EHBP1: variants seen among roughly 807,000 people sequenced by gnomAD.
EHBP1 encodes the protein EH domain binding protein 1.
Under a neutral mutation model 144.0 loss-of-function variants are expected in EHBP1, and 55 were observed. The observed-to-expected ratio is 0.38, with a 90% CI of 0.31 to 0.48. EHBP1 has a LOEUF of 0.48. Among genes scored for constraint, EHBP1 ranks in the 20% least tolerant of loss-of-function variants. The probability of loss-of-function intolerance (pLI) is 0.98; values close to 1 mark genes in which losing one functional copy is unlikely to be tolerated. For missense variants in EHBP1, 1,200 were observed against 1,364.2 expected (o/e 0.88, Z 1.90); for synonymous variants, 469 against 472.7 (o/e 0.99, Z 0.10).
chr2:63,011,112 A>C (rs2060246650), intron 19 of EHBP1, among the ~76,000 whole-genome samples: 1 of 146,520 alleles, frequency 6.8e-6, no homozygotes, highest in Admixed American at 7.0e-5. Flanking sequence ...GTTTTGCATC[A>C]GTTGTTTTCT....
intron 10 of EHBP1, among the ~76,000 whole-genome samples, chr2:62,910,563 T>C (rs992053127): frequency 3.3e-5 from 5 of 152,038 alleles, no homozygotes; most frequent in Non-Finnish European, 7.4e-5. Flanking sequence ...AATCCTAACA[T>C]GTAATGGATG....
chr2:62,775,889 T>G (rs1049485129), intron 5 of EHBP1, among the ~76,000 whole-genome samples: 1 of 152,212 alleles, frequency 6.6e-6, no homozygotes, highest in African/African-American at 2.4e-5. Context: ...CCTTAACCCC[T>G]ACTGCAATAA....
At chr2:62,752,173 G>A (rs1374883532) in intron 3 of EHBP1, among the ~76,000 whole-genome samples, 1 of 152,116 alleles carries the variant, frequency 6.6e-6, no homozygotes, top group East Asian at 1.9e-4. Context: ...AGAGATTCTG[G>A]TATGTTATGT....
intron 10 of EHBP1, among the ~76,000 whole-genome samples, chr2:62,937,370 G>C (rs553243098): frequency 1.3e-5 from 2 of 152,200 alleles, no homozygotes; most frequent in Non-Finnish European, 1.5e-5. Context: ...TCTCAAACGA[G>C]TTGTGAGGAT....
intron 2 of EHBP1, among the ~76,000 whole-genome samples, chr2:62,717,790 G>A (rs2035833218): frequency 6.6e-6 from 1 of 151,974 alleles, no homozygotes; most frequent in Admixed American, 6.6e-5. Flanking sequence ...ATGTCTGAAA[G>A]AGTTTGTCAG....
At chr2:62,718,132 A>T (rs555496248) in intron 2 of EHBP1, among the ~76,000 whole-genome samples, 16 of 152,340 alleles carry the variant, frequency 1.1e-4, no homozygotes, top group South Asian at 2.1e-4. Flanking sequence ...ACTGTTAAAT[A>T]AGATAATGTT....
Position 62,931,243 on chromosome 2 carries a change from A to G in EHBP1, c.1186-11475A>G, listed in dbSNP as rs535665185. 2.7e-4 allele frequency among the ~76,000 whole-genome samples: 41 copies of G among 152,356 alleles called. No individual in the cohort carries two copies. The South Asian group carries it at 8.1e-3, about 30-fold the overall frequency. On this transcript the variant is annotated intron_variant, in intron 10 of 22. Coordinates refer to ENST00000431489, the MANE Select transcript of EHBP1 (RefSeq NM_001142616.3). ...GAATAGATATTTATCCAAAGAACAC[A>G]TACAGATAGCCAACTAGTATATGAA...
chr2:62,851,584 A>T (rs990579774), intron 7 of EHBP1, among the ~76,000 whole-genome samples: 2 of 152,182 alleles, frequency 1.3e-5, no homozygotes, highest in African/African-American at 2.4e-5. Flanking sequence ...GTCCCACTAA[A>T]ATATAAAGCC....
At chr2:62,821,742 C>T (rs904802925) in intron 5 of EHBP1, among the ~76,000 whole-genome samples, 1 of 152,168 alleles carries the variant, frequency 6.6e-6, no homozygotes, top group Non-Finnish European at 1.5e-5. Flanking sequence ...CATTGAACTA[C>T]ATTGCTTGCT....
chr2:62,864,312 T>G (rs1235467552), intron 8 of EHBP1, among the ~76,000 whole-genome samples: 1 of 152,190 alleles, frequency 6.6e-6, no homozygotes, highest in Non-Finnish European at 1.5e-5. Context: ...AACCAGCCCA[T>G]TTCATGTTCT....
chr2:62,791,172 G>GT, intron 5 of EHBP1, among the ~76,000 whole-genome samples: 1 of 152,030 alleles, frequency 6.6e-6, no homozygotes, highest in African/African-American at 2.4e-5. Flanking sequence ...CCAGACTGAG[G>GT]TTCTATATAC....
intron 5 of EHBP1, among the ~76,000 whole-genome samples, chr2:62,793,202 A>T (rs549738341): frequency 6.6e-6 from 1 of 152,206 alleles, no homozygotes; most frequent in East Asian, 1.9e-4. Context: ...AGGTCATATG[A>T]GTGCTTTTAG....
chr2:62,749,927 G>A (rs1017355640), intron 3 of EHBP1, among the ~76,000 whole-genome samples: 4 of 152,142 alleles, frequency 2.6e-5, no homozygotes, highest in Non-Finnish European at 4.4e-5. Flanking sequence ...CTTCCATTCT[G>A]TAGGTTGTCT....
chr2:62,756,110 C>CA (rs774426114), intron 3 of EHBP1, among the ~76,000 whole-genome samples: 323 of 100,066 alleles, frequency 3.2e-3, no homozygotes, highest in East Asian at 7.0e-3. Context: ...CCCCTCTCTA[C>CA]AAAAAAAAAA....
intron 2 of EHBP1, among the ~76,000 whole-genome samples, chr2:62,736,411 A>T (rs919071196): frequency 1.3e-5 from 2 of 151,526 alleles, no homozygotes; most frequent in South Asian, 4.2e-4. Flanking sequence ...TTTAGTAGAG[A>T]TGGGGTTTTG....
At chr2:63,044,506 A>G (rs1204895935) in intron 21 of EHBP1, 1 of 152,144 alleles carries the variant, frequency 6.6e-6, no homozygotes, top group Non-Finnish European at 1.5e-5. Context: ...TAGCCGATTC[A>G]CTACTTTTAA....
At chr2:62,924,099 C>A (rs921259755) in intron 10 of EHBP1, among the ~76,000 whole-genome samples, 1 of 152,134 alleles carries the variant, frequency 6.6e-6, no homozygotes. Flanking sequence ...GCCTTTAGGC[C>A]AGCTGAGGAG....
intron 1 of EHBP1, among the ~76,000 whole-genome samples, chr2:62,682,394 G>A (rs1388321861): frequency 6.6e-6 from 1 of 152,118 alleles, no homozygotes; most frequent in Non-Finnish European, 1.5e-5. Flanking sequence ...GTGCTAGGAA[G>A]GAGCTTTTCT....
chr2:62,889,396 A>G (rs951223753), intron 10 of EHBP1, among the ~76,000 whole-genome samples: 2 of 152,036 alleles, frequency 1.3e-5, no homozygotes, highest in South Asian at 4.1e-4. Context: ...GAAGCTCTTC[A>G]GTTTAATTAA....
Sources: gnomAD v4.1 joint callset for allele counts (sites outside exome capture counted in the v4.1 genomes callset) on GRCh38, gnomAD v4.1.1 for gene constraint, MANE v1.5 for transcripts, NCBI Gene and HGNC (gene_info 2026-07-23, HGNC 2026-07-21) for gene names.